The following CHD2 variants were observed in gnomAD, a reference collection of about 807,000 sequenced individuals.
The protein encoded by CHD2 is ATP-dependent chromatin remodeler CHD2.
In CHD2, 28 loss-of-function variants were observed where a neutral mutation model predicts 243.9. That is an observed-to-expected ratio of 0.11 (90% CI 0.09 to 0.16). The LOEUF (loss-of-function observed/expected upper bound fraction) is 0.16, where lower values mean the gene tolerates loss of function less well. Among genes scored for constraint, CHD2 ranks in the 10% least tolerant of loss-of-function variants. CHD2 has a pLI of 1.00. For missense variants in CHD2, 1,386 were observed against 2,209.8 expected, an observed-to-expected ratio of 0.63 and a Z score of 7.47; for synonymous variants, 775 against 779.0, an observed-to-expected ratio of 0.99 and a Z score of 0.09.
intron 19 of CHD2, chr15:92,973,887 A>C (rs1414973066): frequency 6.6e-6 from 1 of 152,172 alleles, no homozygotes; most frequent in Non-Finnish European, 1.5e-5. Context: ...CTCCCATTGA[A>C]TACGTCTTCG....
chr15:92,902,519 C>T (rs2052543404), intron 2 of CHD2: 2 of 212,876 alleles, frequency 9.4e-6, no homozygotes, highest in Admixed American at 1.2e-4. Flanking sequence ...TGATGTGTTA[C>T]TAATATGCTG....
At chr15:92,904,597 C>T (rs2052585486) in intron 2 of CHD2, 6 of 1,118,328 alleles carry the variant, frequency 5.4e-6, no homozygotes, top group South Asian at 4.9e-5. Context: ...CGGTCCGCAC[C>T]CTGTAGTGTG....
chr15:93,002,407 G>C, intron 33 of CHD2, 90 bp downstream of exon 33: 2 of 1,535,022 alleles, frequency 1.3e-6, no homozygotes, highest in South Asian at 1.3e-5. Flanking sequence ...GAGGGCCCTG[G>C]AATAATTGTC....
intron 5 of CHD2, among the ~76,000 whole-genome samples, chr15:92,933,204 T>A (rs2053206583): frequency 6.6e-6 from 1 of 152,206 alleles, no homozygotes. Flanking sequence ...CACATCCAGC[T>A]GTATTCATAC....
In CHD2 at chr15:92,997,006, T is replaced by G; in HGVS notation, c.3645T>G (p.Val1215=). The G allele has an allele frequency of 6.2e-7, 1 of 1,613,938 alleles. No homozygotes were observed. The highest frequency in any genetic ancestry group is 8.5e-7 in the Non-Finnish European group (1 of 1,179,952). Residue 1215 remains valine (V), a synonymous_variant, in exon 29 of 39, where the codon GTT becomes GTG. Transcript: ENST00000394196. The surrounding 1 kb of genome is among the most constrained non-coding windows in gnomAD (Gnocchi z 4.1). ...RRGPTIKISG[V]QVNVKSIIQH... is the part of the protein sequence containing the mutation. ...GTCCAACAATCAAGATATCCGGAGT[T>G]CAGGTTAATGTGAAATCCATTATCC...
At chr15:93,014,622 G>GTGATAGCCTT (rs2054435034) in intron 36 of CHD2, 74 bp from the exon 37 acceptor site, 1 of 1,341,942 alleles carries the variant, frequency 7.5e-7, no homozygotes, top group African/African-American at 1.5e-5. Flanking sequence ...CTGTTTAGAG[G>GTGATAGCCTT]TGATAGCCTT....
At chr15:92,970,280 C>G (rs1035390871) in intron 17 of CHD2, among the ~76,000 whole-genome samples, 1 of 152,148 alleles carries the variant, frequency 6.6e-6, no homozygotes, top group African/African-American at 2.4e-5. Context: ...CAGCTCACCT[C>G]AACCTCCGCC....
intron 22 of CHD2, among the ~76,000 whole-genome samples, chr15:92,979,884 G>T (rs971809928): frequency 6.6e-6 from 1 of 151,630 alleles, no homozygotes; most frequent in African/African-American, 2.4e-5. Context: ...TGCCACTGCA[G>T]TCCAGCCTGG....
chr15:92,998,316 G>A lies in CHD2; in HGVS notation c.3886-183G>A, dbSNP rs1465097618. The stretch of plus-strand genomic sequence containing the variant: ...CCATCCCATTTTGTAAAATGAGAAC[G>A]GCTCGTGAGGGATTTTCAGTGACTG... On this transcript the variant is annotated intron_variant, in intron 30 of 38. Transcript: ENST00000394196. This position sits in a 1 kb window ranked among gnomAD's most constrained non-coding sequence, Gnocchi z 5.1. The A allele has an allele frequency of 3.0e-6, 4 of 1,321,716 alleles. No homozygotes were observed. The highest frequency in any genetic ancestry group is 2.7e-5 in the East Asian group (1 of 36,642). 81.9% of individuals were successfully genotyped at this position (1,321,716 alleles called of 1,614,324 possible).
intron 12 of CHD2, 103 bp from the exon 13 acceptor site, chr15:92,948,849 A>G (rs1013744161): frequency 2.8e-5 from 38 of 1,360,746 alleles, no homozygotes; most frequent in African/African-American, 1.5e-5. Flanking sequence ...AAAAAAAGAA[A>G]TTTGAGTTTT....
Position 93,020,224 on chromosome 15 carries a change from C to T in CHD2, c.5119C>T (p.Arg1707Ter). ...GCCTTATGACCAGTACAGCAGTGAC[C>T]GAGACCACCGGGGACACAGAGATTA... is the stretch of plus-strand genomic sequence containing the variant. Reference protein sequence around the residue: ...KRPYDQYSSDRDHRGHRDYYD... With the variant: ...KRPYDQYSSD Residue 1707 changes from arginine (R) to a stop codon, truncating the protein, a stop_gained, in exon 38 of 39, where the codon CGA becomes TGA. Transcript: ENST00000394196. LOFTEE classifies it high-confidence loss of function. 1.2e-6 allele frequency: 2 copies of T among 1,613,946 alleles called. No individual in the cohort carries two copies. The highest frequency in any genetic ancestry group is 1.7e-6 in the Non-Finnish European group (2 of 1,179,990).
intron 24 of CHD2, among the ~76,000 whole-genome samples, chr15:92,983,302 C>G (rs966844843): frequency 6.6e-6 from 1 of 152,220 alleles, no homozygotes; most frequent in African/African-American, 2.4e-5. Context: ...CAAGCACTAT[C>G]TTAAGTTAAG....
At chr15:92,919,322 T>G (rs2052908783) in intron 2 of CHD2, among the ~76,000 whole-genome samples, 1 of 152,194 alleles carries the variant, frequency 6.6e-6, no homozygotes, top group South Asian at 2.1e-4. Flanking sequence ...TTTTTTCTTC[T>G]TTAAGCAGTT....
rs2053390435 is a variant in CHD2, at chr15:92,942,067, A to T, written c.826+112A>T. On this transcript the variant is annotated intron_variant, in intron 8 of 38. Coordinates refer to ENST00000394196, the MANE Select transcript of CHD2 (RefSeq NM_001271.4). ...TTAGTCTACTGCTGTATTTGTTGTG[A>T]TATGTAGAAGTCTTTCTGACCCAGT... is the stretch of plus-strand genomic sequence containing the variant. 3 of 1,029,324 alleles carry T rather than the reference A, an allele frequency of 2.9e-6. No homozygotes were observed. In the Admixed American group the frequency reaches 7.0e-5, roughly 24 times the overall value. The allele number at this position is 1,029,324 out of a possible 1,614,324, so 63.8% of individuals were successfully genotyped here. A position where few individuals can be genotyped will look rare whatever the true frequency, so the allele number is the denominator to read the frequency against.
chr15:92,955,299 T>G (rs1360417056), intron 14 of CHD2, 124 bp from the exon 15 acceptor site: 2 of 557,580 alleles, frequency 3.6e-6, no homozygotes, highest in African/African-American at 2.0e-5. Flanking sequence ...ATGTGAGATA[T>G]TCATTGAATT....
chr15:92,930,482 G>C (rs1368685996), intron 5 of CHD2, among the ~76,000 whole-genome samples: 1 of 152,082 alleles, frequency 6.6e-6, no homozygotes, highest in East Asian at 1.9e-4. Context: ...GCTCAGGCTG[G>C]AGTGCAGTGG....
At position 93,002,211 on chromosome 15, in the gene CHD2, A is replaced by G; in HGVS notation, c.4172A>G (p.Lys1391Arg). The G allele has an allele frequency of 2.5e-6, 4 of 1,598,246 alleles. No individual in the cohort carries two copies. The highest frequency in any genetic ancestry group is 2.6e-6 in the Non-Finnish European group (3 of 1,175,488). ...TTGGAAAAAAGTCCAATGAAAAAAA[A>G]ACAGAAGAAGAAAGAGAACAAGGAG... is the stretch of plus-strand genomic sequence containing the variant. ...DGLEKSPMKK[K>R]QKKKENKENK... The change falls in exon 33 of 39, where the codon AAA becomes AGA. Residue 1391 changes from lysine (K) to arginine (R), a missense_variant. Lys to Arg is a conservative substitution (Grantham distance 26, BLOSUM62 2). Coordinates refer to ENST00000394196, the MANE Select transcript of CHD2 (RefSeq NM_001271.4).
intron 19 of CHD2, 127 bp from the exon 20 acceptor site, chr15:92,974,752 T>C: frequency 1.3e-6 from 1 of 755,366 alleles, no homozygotes. Context: ...TCATAGCGCT[T>C]TGCCAGTGCT....
chr15:92,902,925 A>T (rs2052550745), intron 2 of CHD2: 1 of 152,166 alleles, frequency 6.6e-6, no homozygotes, highest in Non-Finnish European at 1.5e-5. Context: ...GTATTCTTTC[A>T]GTATTTTTAC....
Sources: allele counts gnomAD v4.1 joint callset (sites outside exome capture counted in the v4.1 genomes callset), GRCh38; gene constraint gnomAD v4.1.1; non-coding constraint Gnocchi (gnomAD v3.1); transcripts MANE v1.5; gene names NCBI Gene and HGNC (gene_info 2026-07-23, HGNC 2026-07-21).